OXCT1: variants seen among roughly 807,000 people sequenced by gnomAD.
OXCT1 encodes succinyl-CoA:3-ketoacid coenzyme A transferase 1, mitochondrial.
OXCT1 carries 27 observed loss-of-function variants against 69.6 expected under a neutral mutation model. That is an observed-to-expected ratio of 0.39 (90% CI 0.29 to 0.54). The LOEUF is 0.54. Among genes scored for constraint, OXCT1 ranks in the 20% least tolerant of loss-of-function variants. OXCT1 has a pLI of 0.72. For synonymous variants in OXCT1, 202 were observed against 217.8 expected, an observed-to-expected ratio of 0.93 and a Z score of 0.64; for missense variants, 437 against 650.2, an observed-to-expected ratio of 0.67 and a Z score of 3.57.
At chr5:41,745,281 C>T (rs1035541364) in intron 15 of OXCT1, among the ~76,000 whole-genome samples, 3 of 152,016 alleles carry the variant, frequency 2.0e-5, no homozygotes, top group Non-Finnish European at 2.9e-5. Flanking sequence ...GGAAACTGAA[C>T]AACCTGCTCC....
Position 41,814,417 on chromosome 5 carries a change from C to T in OXCT1, c.733-6979G>A, listed in dbSNP as rs115406956. ...TCCAAACACCATGCTGCTATAGACA[C>T]GTGCACATGTATGTTTATTGCGGCT... On this transcript the variant is annotated intron_variant, in intron 7 of 16. Transcript: ENST00000196371. Among the ~76,000 whole-genome samples, 892 of 152,078 alleles carry T rather than the reference C, an allele frequency of 5.9e-3. 9 individuals are homozygous for T. Among genetic ancestry groups the T allele is most frequent in the African/African-American group, 0.02 (847 of 41,462 alleles).
Position 41,870,375 on chromosome 5 carries a change from A to G in OXCT1, c.-17T>C, listed in dbSNP as rs1469204898. The G allele has an allele frequency of 4.4e-5, 70 of 1,606,984 alleles. No individual in the cohort carries two copies. The highest frequency in any genetic ancestry group is 5.4e-5 in the Non-Finnish European group (64 of 1,175,296). On this transcript the variant is annotated 5_prime_UTR_variant, in exon 1 of 17. Coordinates refer to ENST00000196371, the MANE Select transcript of OXCT1 (RefSeq NM_000436.4). This position sits in a 1 kb window ranked among gnomAD's most constrained non-coding sequence, Gnocchi z 4.2. Reference sequence around the variant, plus strand: ...AGCCGCCATCTTCGGGCGGTGAGGCAGGAGGAGGCTGCGGGTTGGAGCGCG... The same window carrying G: ...AGCCGCCATCTTCGGGCGGTGAGGCGGGAGGAGGCTGCGGGTTGGAGCGCG...
intron 13 of OXCT1, among the ~76,000 whole-genome samples, chr5:41,792,115 T>C (rs1388993139): frequency 1.3e-5 from 2 of 152,206 alleles, no homozygotes; most frequent in African/African-American, 4.8e-5. Context: ...CAACTTCTTA[T>C]AAGAACAATA....
chr5:41,740,842 C>T (rs900357823), intron 15 of OXCT1, among the ~76,000 whole-genome samples: 1 of 152,162 alleles, frequency 6.6e-6, no homozygotes. Flanking sequence ...TACCCTCTTT[C>T]AGTTCTCATG....
chr5:41,807,010 G>A (rs1287777352), intron 8 of OXCT1, among the ~76,000 whole-genome samples: 1 of 151,978 alleles, frequency 6.6e-6, no homozygotes, highest in Admixed American at 6.6e-5. Context: ...AACCACCAAA[G>A]ACATGATTAT....
intron 11 of OXCT1, among the ~76,000 whole-genome samples, chr5:41,795,509 T>G (rs999888312): frequency 6.6e-6 from 1 of 152,162 alleles, no homozygotes; most frequent in Non-Finnish European, 1.5e-5. Flanking sequence ...TGTAAGTCAC[T>G]GAGACAGAGA....
At chr5:41,766,062 C>A (rs1256307743) in intron 13 of OXCT1, among the ~76,000 whole-genome samples, 1 of 152,132 alleles carries the variant, frequency 6.6e-6, no homozygotes, top group African/African-American at 2.4e-5. Context: ...CAGCATGACA[C>A]AAAGTATGGC....
At chr5:41,733,027 T>C (rs1742711215) in intron 16 of OXCT1, among the ~76,000 whole-genome samples, 2 of 152,168 alleles carry the variant, frequency 1.3e-5, no homozygotes, top group Non-Finnish European at 2.9e-5. Context: ...ATTTGGTATA[T>C]AGCTTATGGT....
chr5:41,851,800 G>C (rs1176685119), intron 4 of OXCT1, among the ~76,000 whole-genome samples: 1 of 152,100 alleles, frequency 6.6e-6, no homozygotes, highest in Non-Finnish European at 1.5e-5. Flanking sequence ...TAATCAAAAG[G>C]TTAATTTTCA....
chr5:41,744,047 T>C (rs1003741770), intron 15 of OXCT1, among the ~76,000 whole-genome samples: 33 of 152,286 alleles, frequency 2.2e-4, no homozygotes, highest in African/African-American at 7.7e-4. Context: ...GGGGATAGCA[T>C]TGAATCTATA....
Position 41,788,704 on chromosome 5 carries a change from T to C in OXCT1, c.1248+5299A>G, listed in dbSNP as rs370019415. ...GGAAAAACAGACAAATCCACAATTA[T>C]AGCTGAAGATCTCAAGACTGCTCTC... On this transcript the variant is annotated intron_variant, in intron 13 of 16. Transcript: ENST00000196371. Among the ~76,000 whole-genome samples the C allele has an allele frequency of 1.2e-4, 18 of 152,300 alleles. 1 individual carries two copies. Among genetic ancestry groups the C allele is most frequent in the South Asian group, 6.2e-4 (3 of 4,826 alleles).
rs750654895 is a variant in OXCT1 at position 41,861,418 on chromosome 5, A to G, written c.188-14T>C. On this transcript the variant is annotated splice_polypyrimidine_tract_variant and intron_variant, in intron 2 of 16. Coordinates refer to ENST00000196371, the MANE Select transcript of OXCT1 (RefSeq NM_000436.4). Reference sequence around the variant, plus strand: ...ATAGCCCAAAACCTATATTAAGCCCAAAAAATAAACAATTTGTAAAGGGGG... The same window carrying G: ...ATAGCCCAAAACCTATATTAAGCCCGAAAAATAAACAATTTGTAAAGGGGG... 4.7e-6 allele frequency: 7 copies of G among 1,488,244 alleles called. No homozygotes were observed. The highest frequency in any genetic ancestry group is 2.8e-6 in the Non-Finnish European group (3 of 1,065,924). 92.2% of individuals were successfully genotyped at this position (1,488,244 alleles called of 1,614,324 possible). A position where few individuals can be genotyped will look rare whatever the true frequency, so the allele number is the denominator to read the frequency against.
chr5:41,846,268 C>T (rs1184824663), intron 5 of OXCT1, among the ~76,000 whole-genome samples: 2 of 141,282 alleles, frequency 1.4e-5, no homozygotes, highest in African/African-American at 5.3e-5. Flanking sequence ...TCTCCCAATG[C>T]TATCCCTCCC....
At chr5:41,802,907 CTAAA>C (rs1746488972) in intron 10 of OXCT1, among the ~76,000 whole-genome samples, 158 bp downstream of exon 10, 1 of 152,094 alleles carries the variant, frequency 6.6e-6, no homozygotes, top group African/African-American at 2.4e-5. Flanking sequence ...GACGGATCCA[CTAAA>C]ATCTCAGGTT....
Position 41,848,660 on chromosome 5 carries a change from C to T in OXCT1, c.564+1370G>A, listed in dbSNP as rs1003207745. 2.0e-5 allele frequency among the ~76,000 whole-genome samples: 3 copies of T among 151,428 alleles called. No individual in the cohort carries two copies. In the South Asian group the frequency reaches 6.3e-4, roughly 32 times the overall value. On this transcript the variant is annotated intron_variant, in intron 5 of 16. Coordinates refer to ENST00000196371, the MANE Select transcript of OXCT1 (RefSeq NM_000436.4). Reference sequence around the variant, plus strand: ...CTACAACTATCTGATTTTTGACAAACCTGAGAAAAACAAGCAATGGGGAAA... The same window carrying T: ...CTACAACTATCTGATTTTTGACAAATCTGAGAAAAACAAGCAATGGGGAAA...
chr5:41,735,573 T>A (rs982694359), intron 16 of OXCT1, among the ~76,000 whole-genome samples: 4 of 152,240 alleles, frequency 2.6e-5, no homozygotes, highest in African/African-American at 9.6e-5. Flanking sequence ...GGTAAATTTT[T>A]TTAAAGTTTT....
chr5:41,822,476 C>CT (rs1045465295), intron 7 of OXCT1, among the ~76,000 whole-genome samples: 2 of 152,076 alleles, frequency 1.3e-5, no homozygotes, highest in African/African-American at 4.8e-5. Flanking sequence ...ACTGCTCCAA[C>CT]TTTTTTTGCT....
At chr5:41,869,984 A>ATCT in intron 1 of OXCT1, 31 of 444,112 alleles carry the variant, frequency 7.0e-5, no homozygotes, top group Middle Eastern at 6.7e-4. Flanking sequence ...ACGAGCGCCA[A>ATCT]AGGGCTCGGG....
intron 7 of OXCT1, among the ~76,000 whole-genome samples, chr5:41,820,466 T>C (rs1048697159): frequency 3.9e-5 from 6 of 152,186 alleles, no homozygotes; most frequent in African/African-American, 1.4e-4. Flanking sequence ...AAAGCATTAA[T>C]AGTGAAAGAT....
Sources: allele counts gnomAD v4.1 joint callset (sites outside exome capture counted in the v4.1 genomes callset), GRCh38; gene constraint gnomAD v4.1.1; non-coding constraint Gnocchi (gnomAD v3.1); transcripts MANE v1.5; gene names NCBI Gene and HGNC (gene_info 2026-07-23, HGNC 2026-07-21).